The following MEP1A variants were observed in gnomAD, a reference collection of about 807,000 sequenced individuals.
MEP1A encodes the protein N-benzoyl-L-tyrosyl-P-amino-benzoic acid hydrolase subunit alpha.
Under a neutral mutation model 84.5 loss-of-function variants are expected in MEP1A, and 68 were observed. The ratio of observed to expected loss-of-function variants is 0.80; its 90% CI spans 0.66 to 0.98. The LOEUF is 0.98. Ranked by LOEUF, MEP1A falls within the 50% of genes least tolerant of loss-of-function variation. The pLI, the probability that MEP1A is intolerant of heterozygous loss-of-function variation, is 0.00. For synonymous variants in MEP1A, 337 were observed against 336.8 expected (o/e 1.00, Z -0.01); for missense variants, 887 against 919.9 (o/e 0.96, Z 0.46).
At position 46,807,702 on chromosome 6, in the gene MEP1A, G is replaced by GA. The variant is rs1416309095; in HGVS notation, c.263-1712dup. 4.9e-5 allele frequency among the ~76,000 whole-genome samples: 7 copies of GA among 144,286 alleles called. No individual in the cohort carries two copies. In the East Asian group the frequency reaches 1.3e-3, roughly 26 times the overall value. 94.7% of individuals were successfully genotyped at this position (144,286 alleles called of 152,430 possible). On this transcript the variant is annotated intron_variant, in intron 5 of 13. Transcript: ENST00000230588. ...GGAGAAGGAGGAGGAGGAGGAGAAG[G>GA]AAAAAACAAGAAGAAGAAGAGGAAA...
At chr6:46,799,836 C>T (rs1393449443) in intron 5 of MEP1A, among the ~76,000 whole-genome samples, 3 of 152,154 alleles carry the variant, frequency 2.0e-5, no homozygotes, top group Admixed American at 6.5e-5. Context: ...AAGCAGTTGA[C>T]TGACAGCTGA....
At chr6:46,842,024 A>G (rs1351354541), downstream of MEP1A, among the ~76,000 whole-genome samples, 1 of 152,210 alleles carries the variant, frequency 6.6e-6, no homozygotes, top group Non-Finnish European at 1.5e-5. Flanking sequence ...CTTTACTGCA[A>G]TCTCTGAACA....
chr6:46,834,927 G>A (rs1768177603), intron 12 of MEP1A, among the ~76,000 whole-genome samples, 176 bp downstream of exon 12: 1 of 152,130 alleles, frequency 6.6e-6, no homozygotes, highest in Non-Finnish European at 1.5e-5. Flanking sequence ...AATTGTCCTT[G>A]AAAGAAACTG....
chr6:46,817,339 A>T (rs183084118), intron 6 of MEP1A, among the ~76,000 whole-genome samples: 1 of 152,194 alleles, frequency 6.6e-6, no homozygotes, highest in Non-Finnish European at 1.5e-5. Flanking sequence ...ATCTTACTGC[A>T]TGTGTTTTAT....
chr6:46,796,241 AC>A (rs1767049495), intron 3 of MEP1A, among the ~76,000 whole-genome samples: 1 of 151,832 alleles, frequency 6.6e-6, no homozygotes, highest in Non-Finnish European at 1.5e-5. Flanking sequence ...CTTCCAAGGG[AC>A]TCTGATGCTC....
intron 7 of MEP1A, among the ~76,000 whole-genome samples, chr6:46,820,348 A>G (rs1034335900): frequency 6.6e-5 from 10 of 152,054 alleles, no homozygotes; most frequent in Non-Finnish European, 1.3e-4. Context: ...TGTCTTACGT[A>G]TTATTCCGTT....
intron 11 of MEP1A, 95 bp downstream of exon 11, chr6:46,833,633 C>T: frequency 2.2e-6 from 2 of 920,130 alleles, no homozygotes; most frequent in South Asian, 1.5e-5. Context: ...GTTCTCCTCA[C>T]ATTGTCTGTT....
Position 46,834,577 on chromosome 6 carries a change from G to A in MEP1A, c.1610-1G>A. On this transcript the variant is annotated splice_acceptor_variant, in intron 11 of 13. Coordinates refer to ENST00000230588, the MANE Select transcript of MEP1A (RefSeq NM_005588.3). LOFTEE classifies it high-confidence loss of function. ...ATTTTATGTTACCTACAACTTTGCA[G>A]CGATAAATGACACTGTCATCTGGGA... is the stretch of plus-strand genomic sequence containing the variant. 6.2e-7 allele frequency: 1 copy of A among 1,601,802 alleles called. No homozygotes were observed. Among genetic ancestry groups the A allele is most frequent in the Non-Finnish European group, 8.5e-7 (1 of 1,174,608 alleles).
At position 46,809,261 on chromosome 6, in the gene MEP1A, T is replaced by A. The variant is rs553617558; in HGVS notation, c.263-159T>A. On this transcript the variant is annotated intron_variant, in intron 5 of 13. Transcript: ENST00000230588. ...AATTTTGCAGATGTCCACAACCAAT[T>A]TTGCAGTTTTAGTTACCAGGAAATC... Among the ~76,000 whole-genome samples the A allele has an allele frequency of 3.3e-5, 5 of 152,252 alleles. No individual in the cohort carries two copies. In the East Asian group the frequency reaches 9.6e-4, roughly 29 times the overall value.
At chr6:46,843,695 T>A (rs1768371830), downstream of MEP1A, among the ~76,000 whole-genome samples, 1 of 152,204 alleles carries the variant, frequency 6.6e-6, no homozygotes, top group African/African-American at 2.4e-5. Flanking sequence ...ATACAGTGTA[T>A]TTCCTATATG....
intron 7 of MEP1A, among the ~76,000 whole-genome samples, chr6:46,824,649 A>G (rs1250545480): frequency 3.8e-5 from 5 of 131,614 alleles, no homozygotes; most frequent in African/African-American, 1.2e-4. Flanking sequence ...AAATGTATTT[A>G]AATTTATATA....
chr6:46,835,924 T>C (rs1581690951), intron 13 of MEP1A, among the ~76,000 whole-genome samples: 2 of 152,256 alleles, frequency 1.3e-5, no homozygotes, highest in African/African-American at 4.8e-5. Flanking sequence ...ACTACAGATG[T>C]TATTAGTTCC....
chr6:46,844,248 T>TG (rs1461587647), downstream of MEP1A, among the ~76,000 whole-genome samples: 3 of 152,234 alleles, frequency 2.0e-5, no homozygotes, highest in African/African-American at 7.2e-5. Flanking sequence ...TGGGAGATAA[T>TG]GGAGTCAGGT....
At chr6:46,805,122 A>G (rs1292123830) in intron 5 of MEP1A, among the ~76,000 whole-genome samples, 7 of 151,950 alleles carry the variant, frequency 4.6e-5, no homozygotes, top group Non-Finnish European at 2.9e-5. Flanking sequence ...GAATAAAGCT[A>G]CTATGAGTAG....
intron 13 of MEP1A, among the ~76,000 whole-genome samples, chr6:46,838,522 G>C (rs1768266561): frequency 6.6e-6 from 1 of 152,160 alleles, no homozygotes; most frequent in Non-Finnish European, 1.5e-5. Flanking sequence ...ATATTATTTA[G>C]AAGTTTTTAA....
At chr6:46,799,333 C>T (rs1767141212) in intron 5 of MEP1A, 152 bp downstream of exon 5, 4 of 619,176 alleles carry the variant, frequency 6.5e-6, no homozygotes, top group South Asian at 3.9e-5. Context: ...AAAGACATAA[C>T]ATTACATCAA....
At chr6:46,813,514 C>A (rs1044268044) in intron 6 of MEP1A, among the ~76,000 whole-genome samples, 2 of 152,004 alleles carry the variant, frequency 1.3e-5, no homozygotes, top group African/African-American at 4.8e-5. Flanking sequence ...TATTCTGTAT[C>A]TTTTTAAGTG....
intron 5 of MEP1A, among the ~76,000 whole-genome samples, chr6:46,805,816 C>T (rs113872295): frequency 1.2e-4 from 18 of 151,926 alleles, no homozygotes; most frequent in African/African-American, 4.3e-4. Context: ...TTTAAATAAC[C>T]AAATCTGAAA....
rs539193328 is a variant in MEP1A at position 46,799,226 on chromosome 6, T to C, written c.262+45T>C. The C allele has an allele frequency of 1.9e-4, 249 of 1,295,728 alleles. 3 individuals carry two copies. In the South Asian group the frequency reaches 2.9e-3, roughly 15 times the overall value. 80.3% of individuals were successfully genotyped at this position (1,295,728 alleles called of 1,614,324 possible). A position where few individuals can be genotyped will look rare whatever the true frequency, so the allele number is the denominator to read the frequency against. On this transcript the variant is annotated intron_variant, in intron 5 of 13. Transcript: ENST00000230588. ...ATTAGGAAGTTTCAGTTTAACTCTC[T>C]CTCTCCTCTCAGCCTGTCCATGGGC...
Sources: allele counts gnomAD v4.1 joint callset (sites outside exome capture counted in the v4.1 genomes callset), GRCh38; gene constraint gnomAD v4.1.1; transcripts MANE v1.5; gene names NCBI Gene and HGNC (gene_info 2026-07-23, HGNC 2026-07-21).